The following SERPINB10 variants were observed in gnomAD, a reference collection of about 807,000 sequenced individuals.
SERPINB10 encodes serpin B10.
SERPINB10 carries 35 observed loss-of-function variants against 39.1 expected under a neutral mutation model. The ratio of observed to expected loss-of-function variants is 0.90; its 90% confidence interval spans 0.68 to 1.19. The LOEUF (loss-of-function observed/expected upper bound fraction) is 1.19, where lower values mean the gene tolerates loss of function less well. SERPINB10 is among the 50% of genes most tolerant of loss of function. The pLI is 0.00. For synonymous variants in SERPINB10, 190 were observed against 158.1 expected (o/e 1.20, Z -1.52); for missense variants, 546 against 460.5 (o/e 1.19, Z -1.70).
chr18:63,933,632 G>A (rs557730311), intron 7 of SERPINB10, among the ~76,000 whole-genome samples: 131 of 152,126 alleles, frequency 8.6e-4, no homozygotes, highest in Non-Finnish European at 1.6e-3. Context: ...ATACACACAC[G>A]TACGCAGACA....
At position 63,917,058 on chromosome 18, in the gene SERPINB10, T is replaced by C. The variant is rs571416287; in HGVS notation, c.169-398T>C. Among the ~76,000 whole-genome samples the C allele has an allele frequency of 4.6e-5, 7 of 152,048 alleles. No homozygotes were observed. The South Asian group carries it at 1.5e-3, about 32-fold the overall frequency. On this transcript the variant is annotated intron_variant, in intron 2 of 7. Transcript: ENST00000238508. ...AGCATTTAACTAGAAAAAAAACAAC[T>C]AAAATTCCTTAATTTTCCACATAAT...
rs1397085232 is a variant in SERPINB10 at position 63,934,965 on chromosome 18, T to C, written c.917T>C (p.Leu306Pro). 6.2e-7 allele frequency: 1 copy of C among 1,614,248 alleles called. No homozygotes were observed. The highest frequency in any genetic ancestry group is 1.7e-5 in the Admixed American group (1 of 60,030). ...LEDSYDLKST[L>P]SSMGMSDAFS... ...GACAGTTATGATCTCAAGTCAACCC[T>C]GAGCAGTATGGGGATGAGTGATGCC... Residue 306 changes from leucine (L) to proline (P), a missense_variant, in exon 8 of 8, where the codon CTG becomes CCG. By Grantham distance (98) the Leu-to-Pro change is moderately conservative (BLOSUM62 -3). Coordinates refer to ENST00000238508, the MANE Select transcript of SERPINB10 (RefSeq NM_005024.3).
rs1220521332 is a variant in SERPINB10, at chr18:63,919,882, CTT to C, written c.468_469del (p.Trp157GlyfsTer2). ...GATCAAATCAGAAAGGACATCAACT[CTT>C]GGGTTGAAAGACAGACCGAGGGTAA... On this transcript the variant is annotated frameshift_variant, in exon 5 of 8. Transcript: ENST00000238508. LOFTEE classifies it high-confidence loss of function. The C allele has an allele frequency of 6.2e-7, 1 of 1,609,768 alleles. No homozygotes were observed. Among genetic ancestry groups the C allele is most frequent in the Non-Finnish European group, 8.5e-7 (1 of 1,177,696 alleles).
At chr18:63,908,598 C>A (rs576016878) in intron 1 of SERPINB10, among the ~76,000 whole-genome samples, 101 of 152,130 alleles carry the variant, frequency 6.6e-4, no homozygotes, top group African/African-American at 2.3e-3. Context: ...TTCTTCTCTT[C>A]TGTGGAATAA....
At chr18:63,933,326 A>G (rs573601672) in intron 7 of SERPINB10, 123 bp downstream of exon 7, 1 of 1,094,902 alleles carries the variant, frequency 9.1e-7, no homozygotes. Flanking sequence ...TTTAATTCCT[A>G]TAGAGAAAGG....
intron 5 of SERPINB10, among the ~76,000 whole-genome samples, chr18:63,923,414 TCTCA>T (rs777729940): frequency 3.3e-5 from 5 of 151,920 alleles, no homozygotes; most frequent in Non-Finnish European, 7.4e-5. Context: ...ACCTGAACCA[TCTCA>T]AAGATACTTC....
chr18:63,910,973 T>C (rs566169048), intron 1 of SERPINB10, among the ~76,000 whole-genome samples: 12 of 152,122 alleles, frequency 7.9e-5, no homozygotes, highest in Non-Finnish European at 1.6e-4. Context: ...TTTGACTTCT[T>C]AATAATAGCC....
intron 5 of SERPINB10, among the ~76,000 whole-genome samples, chr18:63,927,488 C>G (rs551611059): frequency 6.6e-6 from 1 of 152,176 alleles, no homozygotes; most frequent in Admixed American, 6.5e-5. Flanking sequence ...CAGCGTGTGG[C>G]TAGGGCTTGC....
chr18:63,927,371 C>T (rs896384981), intron 5 of SERPINB10, among the ~76,000 whole-genome samples: 1 of 152,000 alleles, frequency 6.6e-6, no homozygotes, highest in Admixed American at 6.6e-5. Context: ...CAGTCCATTA[C>T]AGCTGCTATA....
At position 63,915,628 on chromosome 18, in the gene SERPINB10, AC is replaced by A. The variant is rs757788389; in HGVS notation, c.120del (p.Ile41Ter). 4 of 1,612,514 alleles carry A rather than the reference AC, an allele frequency of 2.5e-6. No individual in the cohort carries two copies. The highest frequency in any genetic ancestry group is 3.4e-6 in the Non-Finnish European group (4 of 1,179,148). Reference sequence around the variant, plus strand: ...TTCCTGGAGCATCTCAACTTCCTTGACCATAGTGTATTTGGGCGCCAAAGGT... The same window carrying A: ...TTCCTGGAGCATCTCAACTTCCTTGACATAGTGTATTTGGGCGCCAAAGGT... ...FSSWSISTSL[T>X]IVYLGAKGTT... On this transcript the variant is annotated frameshift_variant, in exon 2 of 8. Transcript: ENST00000238508. LOFTEE classifies it high-confidence loss of function.
At chr18:63,913,308 T>A (rs12327173) in intron 1 of SERPINB10, among the ~76,000 whole-genome samples, 4 of 151,926 alleles carry the variant, frequency 2.6e-5, no homozygotes, top group African/African-American at 7.2e-5. Context: ...TGTTTTTTTC[T>A]TTTGGAAGTT....
chr18:63,935,215 T>C lies in SERPINB10; in HGVS notation c.1167T>C (p.Leu389=), dbSNP rs1333216769. 2 of 1,599,396 alleles carry C rather than the reference T, an allele frequency of 1.3e-6. No individual in the cohort carries two copies. Among genetic ancestry groups the C allele is most frequent in the Non-Finnish European group, 1.7e-6 (2 of 1,173,268 alleles). The part of the protein sequence containing the change: ...FIRHNKTNTI[L]FYGRLCSP ...GGCACAATAAAACCAACACCATTCT[T>C]TTTTATGGAAGATTATGCTCCCCCT... The change falls in exon 8 of 8, where the codon CTT becomes CTC. Residue 389 remains leucine, a synonymous_variant. Transcript: ENST00000238508.
intron 1 of SERPINB10, among the ~76,000 whole-genome samples, chr18:63,913,673 CT>C (rs1251966136): frequency 6.6e-6 from 1 of 152,030 alleles, no homozygotes; most frequent in East Asian, 1.9e-4. Flanking sequence ...TTTGTTGAGA[CT>C]TGCTTTATGG....
At position 63,930,129 on chromosome 18, in the gene SERPINB10, T is replaced by A. The variant is rs1459858049; in HGVS notation, c.575T>A (p.Ile192Asn). 6.2e-7 allele frequency: 1 copy of A among 1,613,464 alleles called. No individual in the cohort carries two copies. The highest frequency in any genetic ancestry group is 1.3e-5 in the African/African-American group (1 of 74,898). Residue 192 changes from isoleucine (I) to asparagine (N), a missense_variant, in exon 6 of 8, where the codon ATC (isoleucine) becomes AAC (asparagine). By Grantham distance (149) the Ile-to-Asn change is moderately radical (BLOSUM62 -3). Transcript: ENST00000238508. ...GTGAACGCCCTATACTTTAAAGGAATCTGGGAACATCAATTCTTAGTGCAA... is the reference window on the plus strand; with the variant it reads ...GTGAACGCCCTATACTTTAAAGGAAACTGGGAACATCAATTCTTAGTGCAA... ...ILVNALYFKG[I>N]WEHQFLVQNT...
intron 1 of SERPINB10, among the ~76,000 whole-genome samples, chr18:63,914,153 G>A (rs974114266): frequency 2.6e-5 from 4 of 152,044 alleles, no homozygotes; most frequent in Admixed American, 2.0e-4. Context: ...AAGCCTATGG[G>A]TGTTATTACA....
intron 6 of SERPINB10, among the ~76,000 whole-genome samples, chr18:63,930,949 A>G (rs2050217797): frequency 1.3e-5 from 2 of 152,178 alleles, no homozygotes; most frequent in Admixed American, 6.5e-5. Context: ...CTGTGGAACT[A>G]TGGCTGTAAT....
chr18:63,934,786 T>C, intron 7 of SERPINB10, 52 bp from the exon 8 acceptor site: 1 of 1,542,448 alleles, frequency 6.5e-7, no homozygotes, highest in Non-Finnish European at 8.7e-7. Context: ...CTACTGTTTT[T>C]CATTCCACTT....
rs757826466 is a variant in SERPINB10 at position 63,914,537 on chromosome 18, T to C, written c.-9-965T>C. Among the ~76,000 whole-genome samples the C allele has an allele frequency of 3.9e-5, 6 of 152,244 alleles. No homozygotes were observed. The East Asian group carries it at 5.8e-4, about 15-fold the overall frequency. ...AAATCAAAATAGATGGAATTAACTA[T>C]AGAAACCTAGTTTTAAAAGGCTTTT... On this transcript the variant is annotated intron_variant, in intron 1 of 7. Transcript: ENST00000238508.
chr18:63,909,209 G>T (rs2050046736), intron 1 of SERPINB10, among the ~76,000 whole-genome samples: 1 of 152,040 alleles, frequency 6.6e-6, no homozygotes, highest in South Asian at 2.1e-4. Context: ...TAAGCTCATA[G>T]ATGATCAGTT....
Sources: allele counts gnomAD v4.1 joint callset (sites outside exome capture counted in the v4.1 genomes callset), GRCh38; gene constraint gnomAD v4.1.1; transcripts MANE v1.5; gene names NCBI Gene and HGNC (gene_info 2026-07-23, HGNC 2026-07-21).